The following SUSD4 variants were observed in gnomAD, a reference collection of about 807,000 sequenced individuals.
SUSD4 encodes the protein sushi domain-containing protein 4.
In SUSD4, 41 loss-of-function variants were observed where a neutral mutation model predicts 50.5. That is an observed-to-expected ratio of 0.81 (90% CI 0.63 to 1.05). The LOEUF (loss-of-function observed/expected upper bound fraction) is 1.05, where lower values mean the gene tolerates loss of function less well. Ranked by LOEUF, SUSD4 falls within the 50% of genes least tolerant of loss-of-function variation. SUSD4 has a pLI of 0.00. For missense variants in SUSD4, 580 were observed against 634.7 expected (o/e 0.91, Z 0.93); for synonymous variants, 257 against 257.3 (o/e 1.00, Z 0.01).
intron 2 of SUSD4, among the ~76,000 whole-genome samples, chr1:223,326,406 T>C (rs1056147806): frequency 5.9e-5 from 9 of 151,958 alleles, no homozygotes; most frequent in Admixed American, 2.0e-4. Flanking sequence ...GAAAACAACA[T>C]TGGAAAAACT....
intron 5 of SUSD4, among the ~76,000 whole-genome samples, chr1:223,234,693 T>G (rs947633255): frequency 1.3e-5 from 2 of 152,208 alleles, no homozygotes; most frequent in African/African-American, 4.8e-5. Context: ...CATAGCCTCA[T>G]GGCTTCACCC....
chr1:223,271,123 C>A (rs377562242), intron 3 of SUSD4, among the ~76,000 whole-genome samples: 1 of 152,118 alleles, frequency 6.6e-6, no homozygotes, highest in Non-Finnish European at 1.5e-5. Context: ...ATAGGTACTG[C>A]GGCAGTAATT....
intron 5 of SUSD4, among the ~76,000 whole-genome samples, chr1:223,245,905 G>C (rs1488914574): frequency 6.6e-6 from 1 of 152,190 alleles, no homozygotes; most frequent in Admixed American, 6.5e-5. Flanking sequence ...ACTATGCTAG[G>C]TTTTTGTTGG....
chr1:223,324,375 T>C (rs1666753138), intron 2 of SUSD4, among the ~76,000 whole-genome samples: 1 of 151,748 alleles, frequency 6.6e-6, no homozygotes, highest in African/African-American at 2.4e-5. Flanking sequence ...CATTGGCTGC[T>C]AGAATCACTT....
intron 5 of SUSD4, among the ~76,000 whole-genome samples, chr1:223,262,119 T>C (rs1393259237): frequency 1.3e-5 from 2 of 151,970 alleles, no homozygotes; most frequent in Non-Finnish European, 2.9e-5. Flanking sequence ...GAAAAGAAAT[T>C]GGGGGTGAGG....
chr1:223,263,054 C>A (rs958686717), intron 5 of SUSD4, among the ~76,000 whole-genome samples: 1 of 152,180 alleles, frequency 6.6e-6, no homozygotes, highest in Non-Finnish European at 1.5e-5. Context: ...CTTATCAGAA[C>A]CTGACTGCTT....
At chr1:223,284,043 G>A (rs888223238) in intron 3 of SUSD4, among the ~76,000 whole-genome samples, 3 of 148,920 alleles carry the variant, frequency 2.0e-5, no homozygotes, top group African/African-American at 7.4e-5. Flanking sequence ...AGAACACGTG[G>A]ACACAGGAAG....
chr1:223,361,466 A>G (rs1416434788), intron 2 of SUSD4, among the ~76,000 whole-genome samples: 1 of 152,010 alleles, frequency 6.6e-6, no homozygotes, highest in East Asian at 1.9e-4. Flanking sequence ...GGCTCTGGAT[A>G]TTTTTGCCTG....
At chr1:223,306,681 C>T (rs1250627694) in intron 2 of SUSD4, among the ~76,000 whole-genome samples, 2 of 152,094 alleles carry the variant, frequency 1.3e-5, no homozygotes, top group African/African-American at 2.4e-5. Context: ...TTGGTAGAGA[C>T]AGAATTTTGT....
rs1465451681 is a variant in SUSD4 at position 223,268,036 on chromosome 1, TATATATACACAC to T, written c.535+454_535+465del. 6.4e-5 allele frequency among the ~76,000 whole-genome samples: 6 copies of T among 93,076 alleles called. 1 individual carries two copies. The highest frequency in any genetic ancestry group is 4.2e-4 in the Admixed American group (4 of 9,542). The allele number at this position is 93,076 out of a possible 152,430, so 61.1% of individuals were successfully genotyped here. A position where few individuals can be genotyped will look rare whatever the true frequency, so the allele number is the denominator to read the frequency against. On this transcript the variant is annotated intron_variant, in intron 4 of 8. Transcript: ENST00000366878. ...TTTTATATATATATATATATATATA[TATATATACACAC>T]ACACTGTTAAGAGAAAACAGCCTCT...
rs531317042 is a variant in SUSD4 at position 223,319,537 on chromosome 1, G to A, written c.149-26886C>T. Among the ~76,000 whole-genome samples the A allele has an allele frequency of 1.1e-4, 16 of 152,236 alleles. No individual in the cohort carries two copies. In the South Asian group the frequency reaches 3.1e-3, roughly 30 times the overall value. On this transcript the variant is annotated intron_variant, in intron 2 of 8. Transcript: ENST00000366878. ...TCTCAGCAGGCTGGGTTAATAACCTGCTCACAATACACCCCCTTAATCCAC... is the reference window on the plus strand; with the variant it reads ...TCTCAGCAGGCTGGGTTAATAACCTACTCACAATACACCCCCTTAATCCAC...
intron 2 of SUSD4, among the ~76,000 whole-genome samples, chr1:223,350,455 T>C (rs1668295727): frequency 1.3e-5 from 2 of 152,202 alleles, no homozygotes; most frequent in East Asian, 3.9e-4. Flanking sequence ...AACTCAATAC[T>C]CCAGGTGCTG....
chr1:223,289,076 G>C, intron 3 of SUSD4: 1 of 984,748 alleles, frequency 1.0e-6, no homozygotes. Context: ...TGGAAAGGAA[G>C]CGGCCAGATG....
intron 2 of SUSD4, among the ~76,000 whole-genome samples, chr1:223,294,054 G>A (rs1195425560): frequency 1.3e-5 from 2 of 152,176 alleles, no homozygotes; most frequent in Non-Finnish European, 2.9e-5. Flanking sequence ...TCCTCAAAGG[G>A]AACAATGCAA....
At chr1:223,233,943 A>G (rs1333045772) in intron 5 of SUSD4, among the ~76,000 whole-genome samples, 1 of 152,168 alleles carries the variant, frequency 6.6e-6, no homozygotes, top group African/African-American at 2.4e-5. Flanking sequence ...CTCTGCTGAC[A>G]CTCAGCCAGA....
intron 4 of SUSD4, 119 bp from the exon 5 acceptor site, chr1:223,264,937 C>T: frequency 2.9e-6 from 3 of 1,024,378 alleles, no homozygotes; most frequent in Non-Finnish European, 4.2e-6. Flanking sequence ...AAAATGGCAC[C>T]ACCTCTGAAG....
chr1:223,243,997 C>T (rs866701789), intron 5 of SUSD4, among the ~76,000 whole-genome samples: 2 of 152,174 alleles, frequency 1.3e-5, no homozygotes, highest in Non-Finnish European at 2.9e-5. Context: ...TTTGGACAAC[C>T]ACTGATACTA....
At chr1:223,257,601 T>G (rs1168762192) in intron 5 of SUSD4, among the ~76,000 whole-genome samples, 1 of 152,238 alleles carries the variant, frequency 6.6e-6, no homozygotes, top group Non-Finnish European at 1.5e-5. Flanking sequence ...GCCTAAGCTC[T>G]GTATTCTATG....
In SUSD4 at chr1:223,222,239, T is replaced by G. The variant is rs201658810; in HGVS notation, c.1445-19A>C. The stretch of plus-strand genomic sequence containing the variant: ...GGAATCTCTGTAAAAGAAGAGACGG[T>G]TATTAGCTTAACATAACCAGAAAAC... On this transcript the variant is annotated intron_variant, in intron 8 of 8. Coordinates refer to ENST00000366878, the MANE Select transcript of SUSD4 (RefSeq NM_017982.4). 6.2e-7 allele frequency: 1 copy of G among 1,612,894 alleles called. No homozygotes were observed. Among genetic ancestry groups the G allele is most frequent in the African/African-American group, 1.3e-5 (1 of 74,998 alleles).
Sources: gnomAD v4.1 joint callset for allele counts (sites outside exome capture counted in the v4.1 genomes callset) on GRCh38, gnomAD v4.1.1 for gene constraint, MANE v1.5 for transcripts, NCBI Gene and HGNC (gene_info 2026-07-23, HGNC 2026-07-21) for gene names.